The following TELO2 variants were observed in gnomAD, a reference collection of about 807,000 sequenced individuals.
The protein encoded by TELO2 is telomere length regulation protein TEL2 homolog.
In TELO2, 71 loss-of-function variants were observed where a neutral mutation model predicts 91.0. The observed-to-expected ratio is 0.78, with a 90% CI of 0.64 to 0.95. The LOEUF (loss-of-function observed/expected upper bound fraction) is 0.95. Among genes scored for constraint, TELO2 ranks in the 40% least tolerant of loss-of-function variants. The probability of loss-of-function intolerance (pLI) is 0.00; values close to 1 mark genes in which losing one functional copy is unlikely to be tolerated. For missense variants in TELO2, 1,183 were observed against 1,141.3 expected, an observed-to-expected ratio of 1.04 and a Z score of -0.53; for synonymous variants, 584 against 518.9, an observed-to-expected ratio of 1.13 and a Z score of -1.71.
chr16:1,509,708 C>T (rs886837794), intron 20 of TELO2, 122 bp from the exon 21 acceptor site: 19 of 873,764 alleles, frequency 2.2e-5, no homozygotes, highest in Admixed American at 8.7e-5. Context: ...ACTGCAGACC[C>T]GAGCCCCCTT....
At position 1,506,943 on chromosome 16, in the gene TELO2, G is replaced by T. The variant is rs1185027793; in HGVS notation, c.2127-9G>T. On this transcript the variant is annotated splice_polypyrimidine_tract_variant and intron_variant, in intron 17 of 20. Transcript: ENST00000262319. Reference sequence around the variant, plus strand: ...CCCGCTGCACCTTGGGCTCCATCCTGTGCTCTAGGCCTCTGGTGACCTTCG... The same window carrying T: ...CCCGCTGCACCTTGGGCTCCATCCTTTGCTCTAGGCCTCTGGTGACCTTCG... The T allele has an allele frequency of 6.2e-7, 1 of 1,604,966 alleles. No individual in the cohort carries two copies.
At chr16:1,507,186 C>T (rs916712810) in intron 18 of TELO2, 120 bp from the exon 19 acceptor site, 8 of 1,492,818 alleles carry the variant, frequency 5.4e-6, no homozygotes, top group Non-Finnish European at 7.2e-6. Context: ...GCGGGAGCAT[C>T]CCCTCGGCTG....
chr16:1,504,486 G>A (rs1452079363), intron 15 of TELO2, among the ~76,000 whole-genome samples: 2 of 138,138 alleles, frequency 1.4e-5, no homozygotes, highest in East Asian at 4.3e-4. Flanking sequence ...GGTAAATCTT[G>A]TATATATTTT....
chr16:1,502,804 G>A (rs779334602), intron 14 of TELO2, 43 bp downstream of exon 14: 12 of 1,603,822 alleles, frequency 7.5e-6, no homozygotes, highest in African/African-American at 1.3e-5. Context: ...CAGGCACAGC[G>A]GGAAGCACTG....
At position 1,510,068 on chromosome 16, in the gene TELO2, G is replaced by A. The variant is rs1357464170; in HGVS notation, c.*132G>A. ...CGCATCCGGTACGGAGAGTGCAGAT[G>A]CAGGAAGGCCCGGCCTGCCGCTATT... On this transcript the variant is annotated 3_prime_UTR_variant, in exon 21 of 21. Transcript: ENST00000262319. The A allele has an allele frequency of 1.1e-5, 8 of 734,136 alleles. No homozygotes were observed. Among genetic ancestry groups the A allele is most frequent in the Non-Finnish European group, 1.8e-5 (8 of 450,516 alleles). 45.5% of individuals were successfully genotyped at this position (734,136 alleles called of 1,614,324 possible).
In TELO2 at chr16:1,509,875, TG is replaced by T; in HGVS notation, c.2454del (p.Arg819GlyfsTer49). ...GACGAGGACTGCAGGACGCTGGCAC[TG>T]AGGGCCCTGCTGCTTCTGCAGAGAC... ...DPDEDCRTLA[L>X]RALLLLQRLK... On this transcript the variant is annotated frameshift_variant, in exon 21 of 21. Transcript: ENST00000262319. LOFTEE classifies it high-confidence loss of function. 2.5e-6 allele frequency: 4 copies of T among 1,612,454 alleles called. No homozygotes were observed. The highest frequency in any genetic ancestry group is 2.5e-6 in the Non-Finnish European group (3 of 1,179,658).
chr16:1,510,339 G>A lies in TELO2; in HGVS notation c.*403G>A, dbSNP rs1045543215. 2.1e-5 allele frequency: 5 copies of A among 242,002 alleles called. No homozygotes were observed. Among genetic ancestry groups the A allele is most frequent in the Admixed American group, 1.0e-4 (2 of 19,356 alleles). The allele number at this position is 242,002 out of a possible 1,614,324, so 15.0% of individuals were successfully genotyped here. A position where few individuals can be genotyped will look rare whatever the true frequency, so the allele number is the denominator to read the frequency against. The stretch of plus-strand genomic sequence containing the variant: ...TCCCAGGTCCCTCGGGCTGAGCGCC[G>A]TGTCACCAGGAGAATAGTGCTCACA... On this transcript the variant is annotated 3_prime_UTR_variant, in exon 21 of 21. Coordinates refer to ENST00000262319, the MANE Select transcript of TELO2 (RefSeq NM_016111.4).
chr16:1,493,652 G>T lies in TELO2; in HGVS notation c.-37+47G>T, dbSNP rs1285162107. ...CGGGGATCGGGGGTCCGGTTGGGTC[G>T]GGTTGGGCTCCAGGTCTGGTTGGGT... is the stretch of plus-strand genomic sequence containing the variant. On this transcript the variant is annotated intron_variant, in intron 1 of 20. Transcript: ENST00000262319. The surrounding 1 kb of genome is among the most constrained non-coding windows in gnomAD (Gnocchi z 4.3). 6.6e-6 allele frequency: 1 copy of T among 152,468 alleles called. No individual in the cohort carries two copies. Among genetic ancestry groups the T allele is most frequent in the South Asian group, 2.0e-4 (1 of 4,882 alleles). The allele number at this position is 152,468 out of a possible 1,614,324, so 9.4% of individuals were successfully genotyped here.
In TELO2 at chr16:1,509,921, A is replaced by C. The variant is rs1596278297; in HGVS notation, c.2499A>C (p.Pro833=). 2 of 1,598,326 alleles carry C rather than the reference A, an allele frequency of 1.3e-6. No homozygotes were observed. Among genetic ancestry groups the C allele is most frequent in the Non-Finnish European group, 1.7e-6 (2 of 1,173,308 alleles). ...LLQRLKNRLL[P]PASP ...AGAGACTCAAGAACAGGCTCCTCCC[A>C]CCCGCGTCTCCCTAGTCCCTGGAGG... Residue 833 remains proline, a synonymous_variant, in exon 21 of 21, where the codon CCA becomes CCC. Transcript: ENST00000262319.
chr16:1,502,673 T>C lies in TELO2; in HGVS notation c.1682T>C (p.Leu561Pro), dbSNP rs768694205. The C allele has an allele frequency of 6.8e-6, 11 of 1,612,372 alleles. No individual in the cohort carries two copies. Among genetic ancestry groups the C allele is most frequent in the Admixed American group, 1.7e-5 (1 of 60,002 alleles). The change falls in exon 14 of 21, where the codon CTG (leucine) becomes CCG (proline). Residue 561 changes from leucine (L) to proline (P), a missense_variant. Leu to Pro is a moderately conservative substitution (Grantham distance 98). Coordinates refer to ENST00000262319, the MANE Select transcript of TELO2 (RefSeq NM_016111.4). ...EVSVELAKVL[L>P]HLEEKTCVVG... ...AGCGTGGAGCTGGCCAAGGTGCTTC[T>C]GCATCTGGAGGAGAAGACCTGTGTG...
Position 1,505,569 on chromosome 16 carries a change from C to T in TELO2, c.2002C>T (p.Arg668Trp), listed in dbSNP as rs143422330. 113 of 1,567,982 alleles carry T rather than the reference C, an allele frequency of 7.2e-5. No individual in the cohort carries two copies. Among genetic ancestry groups the T allele is most frequent in the East Asian group, 9.6e-5 (4 of 41,560 alleles). Reference protein sequence around the residue: ...ASDWRVVVEERIRSKTQRLSK... With the variant: ...ASDWRVVVEEWIRSKTQRLSK... The stretch of plus-strand genomic sequence containing the variant: ...TGACTGGCGGGTGGTGGTGGAGGAG[C>T]GGATCAGAAGCAAGACCCAGCGGCT... Residue 668 changes from arginine (R) to tryptophan (W), a missense_variant, in exon 16 of 21, where the codon CGG becomes TGG. Physicochemically the swap from Arg to Trp is moderately radical, Grantham distance 101. Coordinates refer to ENST00000262319, the MANE Select transcript of TELO2 (RefSeq NM_016111.4). This position sits in a 1 kb window ranked among gnomAD's most constrained non-coding sequence, Gnocchi z 4.3.
In TELO2 at chr16:1,506,325, G is replaced by C. The variant is rs1260134065; in HGVS notation, c.2122G>C (p.Asp708His). Reference sequence around the variant, plus strand: ...CTTCTTCCCCCTCCTTCAGCGCTTTGACAGGTGAGTGGGTTTTCCGTGGGC... The same window carrying C: ...CTTCTTCCCCCTCCTTCAGCGCTTTCACAGGTGAGTGGGTTTTCCGTGGGC... ...HFFFPLLQRF[D>H]RPLVTFDLLG... Residue 708 changes from aspartate to histidine, a missense_variant, in exon 17 of 21, where the codon GAC (aspartate) becomes CAC (histidine). Coordinates refer to ENST00000262319, the MANE Select transcript of TELO2 (RefSeq NM_016111.4). 1.9e-6 allele frequency: 3 copies of C among 1,614,090 alleles called. No individual in the cohort carries two copies. Among genetic ancestry groups the C allele is most frequent in the Non-Finnish European group, 2.5e-6 (3 of 1,180,010 alleles).
chr16:1,499,621 TG>T (rs1158068657), intron 6 of TELO2, among the ~76,000 whole-genome samples: 1 of 22,388 alleles, frequency 4.5e-5, no homozygotes, highest in Non-Finnish European at 9.3e-5. Context: ...GTGGGGTGGG[TG>T]GGGGATAGGT....
intron 3 of TELO2, among the ~76,000 whole-genome samples, chr16:1,496,045 A>C (rs1017321836): frequency 6.6e-6 from 1 of 152,154 alleles, no homozygotes; most frequent in Non-Finnish European, 1.5e-5. Context: ...GGCTGCCGCG[A>C]GTGTGCGTTT....
chr16:1,507,021 G>A lies in TELO2; in HGVS notation c.2196G>A (p.Gly732=), dbSNP rs1374726858. The change falls in exon 18 of 21, where the codon GGG becomes GGA. Residue 732 remains glycine, a synonymous_variant. Transcript: ENST00000262319. ...LVLGRLAHTL[G]ALMCLAVNTT... The stretch of plus-strand genomic sequence containing the variant: ...TCGGAAGGCTGGCGCACACCTTAGG[G>A]GCCCTGATGTGCCTGGCTGTTAACA... 1 of 1,611,390 alleles carries A rather than the reference G, an allele frequency of 6.2e-7. No individual in the cohort carries two copies. Among genetic ancestry groups the A allele is most frequent in the Non-Finnish European group, 8.5e-7 (1 of 1,178,918 alleles).
rs1285336035 is a variant in TELO2, at chr16:1,500,367, G to A, written c.1023G>A (p.Glu341=). The A allele has an allele frequency of 6.3e-7, 1 of 1,594,372 alleles. No individual in the cohort carries two copies. Among genetic ancestry groups the A allele is most frequent in the Non-Finnish European group, 8.5e-7 (1 of 1,172,488 alleles). Residue 341 remains glutamate, a synonymous_variant, in exon 8 of 21, where the codon GAG becomes GAA. Transcript: ENST00000262319. Reference sequence around the variant, plus strand: ...TGCAGGTGCTGAAGGAGCTGTTGGAGACGTGGGGCAGCAGCAGTGCCATCC... The same window carrying A: ...TGCAGGTGCTGAAGGAGCTGTTGGAAACGTGGGGCAGCAGCAGTGCCATCC... The part of the protein sequence containing the change: ...LLLQVLKELL[E]TWGSSSAIRH...
chr16:1,510,145 G>A lies in TELO2; in HGVS notation c.*209G>A, dbSNP rs922377568. 16 of 566,318 alleles carry A rather than the reference G, an allele frequency of 2.8e-5. No homozygotes were observed. The highest frequency in any genetic ancestry group is 9.1e-5 in the East Asian group (3 of 33,020). 35.1% of individuals were successfully genotyped at this position (566,318 alleles called of 1,614,324 possible). A position where few individuals can be genotyped will look rare whatever the true frequency, so the allele number is the denominator to read the frequency against. On this transcript the variant is annotated 3_prime_UTR_variant, in exon 21 of 21. Coordinates refer to ENST00000262319, the MANE Select transcript of TELO2 (RefSeq NM_016111.4). ...ACACTGGGCCTGGGCACTGCCCGCC[G>A]GGACATGGCAGCCTGGACGTGGGGC...
rs1366635001 is a variant in TELO2, at chr16:1,501,648, C to T, written c.1362-15C>T. On this transcript the variant is annotated splice_polypyrimidine_tract_variant and intron_variant, in intron 10 of 20. Transcript: ENST00000262319. Reference sequence around the variant, plus strand: ...AGGGGCCCCTAAAGGATTTTTGTTCCTTGTTTCCTTAAAGCACGTCCCTCG... The same window carrying T: ...AGGGGCCCCTAAAGGATTTTTGTTCTTTGTTTCCTTAAAGCACGTCCCTCG... 4 of 1,599,498 alleles carry T rather than the reference C, an allele frequency of 2.5e-6. No homozygotes were observed. The highest frequency in any genetic ancestry group is 1.1e-5 in the South Asian group (1 of 89,892).
intron 17 of TELO2, 177 bp downstream of exon 17, chr16:1,506,506 T>C (rs1596270037): frequency 5.5e-6 from 8 of 1,458,756 alleles, no homozygotes; most frequent in East Asian, 2.5e-5. Context: ...AAGATTCCTC[T>C]GTGGTTGAGC....
Sources: allele counts gnomAD v4.1 joint callset (sites outside exome capture counted in the v4.1 genomes callset), GRCh38; gene constraint gnomAD v4.1.1; non-coding constraint Gnocchi (gnomAD v3.1); transcripts MANE v1.5; gene names NCBI Gene and HGNC (gene_info 2026-07-23, HGNC 2026-07-21).